The following CTNNA3 variants were observed in gnomAD, a reference collection of about 807,000 sequenced individuals.
The protein encoded by CTNNA3 is catenin alpha 3.
Under a neutral mutation model 95.7 loss-of-function variants are expected in CTNNA3, and 76 were observed. The observed-to-expected ratio is 0.79, with a 90% CI of 0.66 to 0.96. CTNNA3 has a LOEUF of 0.96. CTNNA3 is among the 40% of genes least tolerant of loss of function. The pLI is 0.00. For synonymous variants in CTNNA3, 431 were observed against 374.4 expected (o/e 1.15, Z -1.74); for missense variants, 1,191 against 1,089.8 (o/e 1.09, Z -1.31).
intron 9 of CTNNA3, among the ~76,000 whole-genome samples, chr10:66,639,932 C>A (rs956364635): frequency 1.3e-5 from 2 of 152,046 alleles, no homozygotes; most frequent in Admixed American, 6.6e-5. Context: ...TGTTTCTCTT[C>A]TACAATTATA....
chr10:67,537,315 C>A (rs922951115), intron 4 of CTNNA3, among the ~76,000 whole-genome samples: 1 of 152,110 alleles, frequency 6.6e-6, no homozygotes, highest in Non-Finnish European at 1.5e-5. Context: ...TTTCCTTGAG[C>A]AAGTTACTTA....
At chr10:66,893,599 T>A (rs952438771) in intron 7 of CTNNA3, among the ~76,000 whole-genome samples, 1 of 150,330 alleles carries the variant, frequency 6.7e-6, no homozygotes, top group Non-Finnish European at 1.5e-5. Flanking sequence ...TACTTATGAG[T>A]GTTGATGACA....
Position 66,039,239 on chromosome 10 carries a change from T to C in CTNNA3, c.2159+30069A>G, listed in dbSNP as rs1310860931. 2.6e-5 allele frequency among the ~76,000 whole-genome samples: 4 copies of C among 152,112 alleles called. No individual in the cohort carries two copies. In the East Asian group the frequency reaches 7.7e-4, roughly 29 times the overall value. ...AACTACGAAATGCTGCTCAAAGAAA[T>C]CACAGATGACACAAACAAATAGAAA... On this transcript the variant is annotated intron_variant, in intron 15 of 17. Transcript: ENST00000433211.
At position 67,036,893 on chromosome 10, in the gene CTNNA3, T is replaced by A. The variant is rs112197651; in HGVS notation, c.1047+143424A>T. On this transcript the variant is annotated intron_variant, in intron 7 of 17. Coordinates refer to ENST00000433211, the MANE Select transcript of CTNNA3 (RefSeq NM_013266.4). ...ATTGGATAAAAATTGTGAAAAAAAA[T>A]AATAATGCATAAAAGAGGAAGGAAA... 3.8e-3 allele frequency among the ~76,000 whole-genome samples: 568 copies of A among 150,870 alleles called. 4 individuals carry two copies. The highest frequency in any genetic ancestry group is 0.013 in the African/African-American group (540 of 40,560).
intron 7 of CTNNA3, among the ~76,000 whole-genome samples, chr10:66,994,748 TTATAGAA>T: frequency 6.6e-6 from 1 of 152,204 alleles, no homozygotes; most frequent in East Asian, 1.9e-4. Context: ...TCAATACTAT[TTATAGAA>T]TACAGCTGCA....
In CTNNA3 at chr10:66,321,259, A is replaced by C. The variant is rs573605224; in HGVS notation, c.1733-40638T>G. 2.0e-5 allele frequency among the ~76,000 whole-genome samples: 3 copies of C among 152,258 alleles called. No homozygotes were observed. In the South Asian group the frequency reaches 6.2e-4, roughly 32 times the overall value. ...ATAACATGTTAGAAGAGCTTTCTGC[A>C]AAACATAATTTTGGAAAAGTCATGT... On this transcript the variant is annotated intron_variant, in intron 12 of 17. Coordinates refer to ENST00000433211, the MANE Select transcript of CTNNA3 (RefSeq NM_013266.4).
At chr10:66,175,453 TAA>T (rs1340474219) in intron 13 of CTNNA3, among the ~76,000 whole-genome samples, 1 of 152,118 alleles carries the variant, frequency 6.6e-6, no homozygotes, top group Non-Finnish European at 1.5e-5. Flanking sequence ...GATATGCATT[TAA>T]AAGACAGGGA....
intron 11 of CTNNA3, among the ~76,000 whole-genome samples, chr10:66,463,644 T>A (rs1270762519): frequency 5.3e-5 from 8 of 152,122 alleles, no homozygotes; most frequent in Admixed American, 3.9e-4. Flanking sequence ...ATCATTTCCA[T>A]GACTAAAGTA....
At chr10:66,356,933 C>G (rs533246337) in intron 12 of CTNNA3, among the ~76,000 whole-genome samples, 1 of 151,992 alleles carries the variant, frequency 6.6e-6, no homozygotes, top group East Asian at 1.9e-4. Flanking sequence ...GAATTTTGAA[C>G]GGTCCTTGCA....
intron 9 of CTNNA3, among the ~76,000 whole-genome samples, chr10:66,741,575 T>A (rs965725138): frequency 2.0e-5 from 3 of 152,144 alleles, no homozygotes; most frequent in East Asian, 1.9e-4. Context: ...ACACAATGCA[T>A]GGATTCCTCC....
intron 15 of CTNNA3, among the ~76,000 whole-genome samples, chr10:66,023,643 G>A (rs1434252974): frequency 1.3e-5 from 2 of 152,176 alleles, no homozygotes; most frequent in Non-Finnish European, 2.9e-5. Context: ...GTGATGAAAT[G>A]TTGCTTGAAT....
chr10:66,271,092 G>C (rs1044237154), intron 13 of CTNNA3, among the ~76,000 whole-genome samples: 2 of 152,024 alleles, frequency 1.3e-5, no homozygotes, highest in Admixed American at 1.3e-4. Flanking sequence ...TGAAGACCCT[G>C]AATCTCTTGC....
chr10:67,477,827 G>T lies in CTNNA3; in HGVS notation c.579+44015C>A, dbSNP rs561928657. ...AAGATCACACTAGCTCTCCAGCAAT[G>T]ATACCTAACCAAAATGGAAACATAG... On this transcript the variant is annotated intron_variant, in intron 5 of 17. Transcript: ENST00000433211. 1.7e-4 allele frequency among the ~76,000 whole-genome samples: 26 copies of T among 152,258 alleles called. No individual in the cohort carries two copies. In the South Asian group the frequency reaches 1.9e-3, roughly 11 times the overall value.
At chr10:67,069,820 G>A (rs368359185) in intron 7 of CTNNA3, among the ~76,000 whole-genome samples, 1 of 151,968 alleles carries the variant, frequency 6.6e-6, no homozygotes, top group East Asian at 1.9e-4. Context: ...TTTACCTAAG[G>A]ACCCATTGAT....
At chr10:66,545,268 A>C (rs913715131) in intron 10 of CTNNA3, among the ~76,000 whole-genome samples, 12 of 151,994 alleles carry the variant, frequency 7.9e-5, no homozygotes, top group African/African-American at 2.9e-4. Flanking sequence ...TACCGCATAA[A>C]CGTCCCTTTC....
rs778818586 is a variant in CTNNA3, at chr10:65,988,747, A to T, written c.2210T>A (p.Met737Lys). The T allele has an allele frequency of 6.2e-7, 1 of 1,614,028 alleles. No homozygotes were observed. Among genetic ancestry groups the T allele is most frequent in the Non-Finnish European group, 8.5e-7 (1 of 1,179,974 alleles). The change falls in exon 16 of 18, where the codon ATG (methionine) becomes AAG (lysine). Residue 737 changes from methionine to lysine, a missense_variant. Coordinates refer to ENST00000433211, the MANE Select transcript of CTNNA3 (RefSeq NM_013266.4). The part of the protein sequence containing the change: ...HTTDVIYAAK[M>K]ISESGSRMDV... ...CATCCTTGATCCTGATTCTGATATC[A>T]TTTTCGCTGCATAGATCACATCAGT...
intron 3 of CTNNA3, among the ~76,000 whole-genome samples, chr10:67,559,581 G>T (rs1196671528): frequency 1.3e-5 from 2 of 152,158 alleles, no homozygotes; most frequent in African/African-American, 4.8e-5. Flanking sequence ...AAAGCACAGT[G>T]CCTCTCCTCC....
intron 13 of CTNNA3, among the ~76,000 whole-genome samples, chr10:66,233,883 T>C (rs1367893888): frequency 6.6e-6 from 1 of 152,228 alleles, no homozygotes; most frequent in Non-Finnish European, 1.5e-5. Flanking sequence ...TATTAATAAT[T>C]GTTAAAAACT....
chr10:66,880,915 T>A (rs1463822713), intron 7 of CTNNA3, among the ~76,000 whole-genome samples: 1 of 152,070 alleles, frequency 6.6e-6, no homozygotes, highest in Admixed American at 6.6e-5. Flanking sequence ...TATATAATAA[T>A]AGAATTAAAG....
Sources: allele counts gnomAD v4.1 joint callset (sites outside exome capture counted in the v4.1 genomes callset), GRCh38; gene constraint gnomAD v4.1.1; transcripts MANE v1.5; gene names NCBI Gene and HGNC (gene_info 2026-07-23, HGNC 2026-07-21).